Variants in PARP4 observed in about 807,000 individuals in gnomAD.
The protein encoded by PARP4 is protein mono-ADP-ribosyltransferase PARP4.
In PARP4, 120 loss-of-function variants were observed where a neutral mutation model predicts 187.7. The observed-to-expected ratio is 0.64, with a 90% CI of 0.55 to 0.74. The LOEUF (loss-of-function observed/expected upper bound fraction) is 0.74, where lower values mean the gene tolerates loss of function less well. Ranked by LOEUF, PARP4 falls within the 30% of genes least tolerant of loss-of-function variation. The probability of loss-of-function intolerance (pLI) is 0.00; values close to 1 mark genes in which losing one functional copy is unlikely to be tolerated. For synonymous variants in PARP4, 654 were observed against 740.9 expected (o/e 0.88, Z 1.90); for missense variants, 1,836 against 2,070.5 (o/e 0.89, Z 2.20).
At chr13:24,491,028 A>C (rs1393250596) in intron 9 of PARP4, among the ~76,000 whole-genome samples, 200 bp from the exon 10 acceptor site, 1 of 151,704 alleles carries the variant, frequency 6.6e-6, no homozygotes, top group Non-Finnish European at 1.5e-5. Flanking sequence ...TGCAGCCTCA[A>C]CCTCCTGAGT....
In PARP4 at chr13:24,434,701, G is replaced by A; in HGVS notation, c.4440C>T (p.Ala1480=). Residue 1480 remains alanine (A), a synonymous_variant, in exon 31 of 34, where the codon GCC becomes GCT. Coordinates refer to ENST00000381989, the MANE Select transcript of PARP4 (RefSeq NM_006437.4). Reference sequence around the variant, plus strand: ...TGCAAAGAGCCTCAGGTAAAGCAGAGGCCATTGGCAGCCTAAGGTTGGCAG... The same window carrying A: ...TGCAAAGAGCCTCAGGTAAAGCAGAAGCCATTGGCAGCCTAAGGTTGGCAG... ...SLTANLRLPM[A]SALPEALCSQ... is the part of the protein sequence containing the mutation. The A allele has an allele frequency of 3.1e-6, 5 of 1,614,132 alleles. No homozygotes were observed. The highest frequency in any genetic ancestry group is 4.2e-6 in the Non-Finnish European group (5 of 1,180,006).
chr13:24,453,458 C>A, intron 23 of PARP4, 129 bp downstream of exon 23: 1 of 522,448 alleles, frequency 1.9e-6, no homozygotes, highest in African/African-American at 2.0e-5. Context: ...AAATAAAGAG[C>A]CCACCAATAT....
At chr13:24,425,949 A>T (rs1870028711) in intron 33 of PARP4, among the ~76,000 whole-genome samples, 1 of 152,204 alleles carries the variant, frequency 6.6e-6, no homozygotes, top group South Asian at 2.1e-4. Context: ...GCCGAATTTG[A>T]ACCTGGCCTT....
At chr13:24,509,429 C>G (rs1194100249) in intron 1 of PARP4, among the ~76,000 whole-genome samples, 1 of 151,526 alleles carries the variant, frequency 6.6e-6, no homozygotes, top group Non-Finnish European at 1.5e-5. Flanking sequence ...ATCACTTGAG[C>G]CTGGGAGGTC....
intron 6 of PARP4, 38 bp downstream of exon 6, chr13:24,498,078 G>T: frequency 7.2e-7 from 1 of 1,383,554 alleles, no homozygotes; most frequent in Non-Finnish European, 1.0e-6. Context: ...ATGAACAGAG[G>T]TCAGTAAACA....
At chr13:24,437,613 C>T (rs1416682688) in intron 30 of PARP4, among the ~76,000 whole-genome samples, 3 of 152,086 alleles carry the variant, frequency 2.0e-5, no homozygotes, top group Non-Finnish European at 4.4e-5. Flanking sequence ...ATAAAACATG[C>T]TCCTCTTCAT....
chr13:24,478,197 A>G lies in PARP4; in HGVS notation c.1528T>C (p.Cys510Arg), dbSNP rs779959578. 2 of 1,613,794 alleles carry G rather than the reference A, an allele frequency of 1.2e-6. No individual in the cohort carries two copies. The highest frequency in any genetic ancestry group is 1.7e-4 in the Middle Eastern group (1 of 6,060). ...LLICDVALGKCMDLHEKDFSL... is the reference protein window; with the variant it reads ...LLICDVALGKRMDLHEKDFSL... ...AAGTCCTTCTCATGTAAGTCCATAC[A>G]CTTTCCGAGGGCTACGTCACAAATG... The change falls in exon 13 of 34, where the codon TGT becomes CGT. Residue 510 changes from cysteine (C) to arginine (R), a missense_variant. This residue lies in a region of PARP4 where 1,147 missense variants were observed against 1,214.2 expected (regional missense o/e 0.94). Coordinates refer to ENST00000381989, the MANE Select transcript of PARP4 (RefSeq NM_006437.4).
intron 31 of PARP4, among the ~76,000 whole-genome samples, chr13:24,432,957 AT>A (rs1870421072): frequency 1.3e-5 from 2 of 152,206 alleles, no homozygotes; most frequent in Admixed American, 1.3e-4. Flanking sequence ...ACCTTGAAAA[AT>A]GACCGCAGTG....
chr13:24,450,853 C>T (rs1052163492), intron 24 of PARP4, among the ~76,000 whole-genome samples: 2 of 152,216 alleles, frequency 1.3e-5, no homozygotes, highest in African/African-American at 4.8e-5. Context: ...CCAGACTCCC[C>T]GTCACATGCC....
chr13:24,484,006 T>C lies in PARP4; in HGVS notation c.1448+647A>G, dbSNP rs1476668388. Among the ~76,000 whole-genome samples, 7 of 152,342 alleles carry C rather than the reference T, an allele frequency of 4.6e-5. No individual in the cohort carries two copies. In the East Asian group the frequency reaches 1.2e-3, roughly 25 times the overall value. On this transcript the variant is annotated intron_variant, in intron 12 of 33. Coordinates refer to ENST00000381989, the MANE Select transcript of PARP4 (RefSeq NM_006437.4). ...TATAGGATTGTTTATCTTTTCCTTA[T>C]TGATTTGTAGGAACTCTTTAAATAT...
intron 11 of PARP4, 111 bp from the exon 12 acceptor site, chr13:24,484,859 A>C (rs1270031458): frequency 1.5e-6 from 1 of 678,102 alleles, no homozygotes; most frequent in Non-Finnish European, 2.7e-6. Flanking sequence ...AGAACTCTGC[A>C]ATCAGGGTGA....
intron 1 of PARP4, among the ~76,000 whole-genome samples, chr13:24,508,777 G>A (rs1231972782): frequency 2.0e-5 from 3 of 152,156 alleles, no homozygotes; most frequent in Non-Finnish European, 4.4e-5. Context: ...GCCTCCCTAA[G>A]TGCTGGGATT....
chr13:24,433,019 A>C (rs1870426771), intron 31 of PARP4, among the ~76,000 whole-genome samples: 1 of 152,304 alleles, frequency 6.6e-6, no homozygotes, highest in Non-Finnish European at 1.5e-5. Context: ...GTTCTTTGAT[A>C]TGTTTAGCCA....
Position 24,498,225 on chromosome 13 carries a change from C to G in PARP4, c.482G>C (p.Gly161Ala), listed in dbSNP as rs1206480451. 6.8e-6 allele frequency: 11 copies of G among 1,610,516 alleles called. No homozygotes were observed. Among genetic ancestry groups the G allele is most frequent in the Non-Finnish European group, 9.3e-6 (11 of 1,177,898 alleles). ...VAKYNTLEKV[G>A]MEGGQEAVVV... ...CACAGCTTCCTGGCCTCCCTCCATT[C>G]CCACCTGGAAAACAGGATGTGCTTT... Residue 161 changes from glycine to alanine, a missense_variant, in exon 6 of 34, where the codon GGA (glycine) becomes GCA (alanine). Around this residue, in one of 8 missense-constraint regions of PARP4, gnomAD observed 1,147 missense variants for 1,214.2 expected, o/e 0.94. Coordinates refer to ENST00000381989, the MANE Select transcript of PARP4 (RefSeq NM_006437.4).
At chr13:24,438,303 G>T (rs1307779762) in intron 30 of PARP4, among the ~76,000 whole-genome samples, 1 of 152,110 alleles carries the variant, frequency 6.6e-6, no homozygotes, top group Non-Finnish European at 1.5e-5. Flanking sequence ...CAGGTTCGGG[G>T]CTCCCATGAG....
chr13:24,421,754 A>G (rs1276047718), intron 33 of PARP4, among the ~76,000 whole-genome samples: 1 of 152,304 alleles, frequency 6.6e-6, no homozygotes, highest in East Asian at 1.9e-4. Context: ...AGAGTCCCCC[A>G]TGAAACTGGC....
intron 8 of PARP4, among the ~76,000 whole-genome samples, 168 bp downstream of exon 8, chr13:24,493,428 C>T (rs1007696814): frequency 6.6e-6 from 1 of 152,202 alleles, no homozygotes; most frequent in Non-Finnish European, 1.5e-5. Context: ...AAGCTTTTCT[C>T]CTTAGTGCTG....
chr13:24,497,234 C>T (rs560092256), intron 6 of PARP4, among the ~76,000 whole-genome samples: 2 of 152,218 alleles, frequency 1.3e-5, no homozygotes, highest in South Asian at 2.1e-4. Flanking sequence ...CTTTGTTGTT[C>T]CCAGGGCTCT....
chr13:24,459,488 A>G, intron 18 of PARP4, 178 bp from the exon 19 acceptor site: 1 of 530,976 alleles, frequency 1.9e-6, no homozygotes, highest in South Asian at 2.4e-5. Context: ...AATACAACTC[A>G]CCATTTTGAC....
Sources: gnomAD v4.1 joint callset for allele counts (sites outside exome capture counted in the v4.1 genomes callset) on GRCh38, gnomAD v4.1.1 for gene constraint, gnomAD v4.1.1 regional missense constraint, MANE v1.5 for transcripts, NCBI Gene and HGNC (gene_info 2026-07-23, HGNC 2026-07-21) for gene names.